HS3ST5: variants seen among roughly 807,000 people sequenced by gnomAD.
HS3ST5 encodes heparan sulfate glucosamine 3-O-sulfotransferase 5.
HS3ST5 carries 10 observed loss-of-function variants against 25.4 expected under a neutral mutation model. The ratio of observed to expected loss-of-function variants is 0.39; its 90% CI spans 0.24 to 0.67. The LOEUF is 0.67. HS3ST5 is among the 30% of genes least tolerant of loss of function. HS3ST5 has a pLI of 0.44. For missense variants in HS3ST5, 324 were observed against 420.7 expected (o/e 0.77, Z 2.01); for synonymous variants, 170 against 162.4 (o/e 1.05, Z -0.36).
chr6:114,058,075 T>C lies in HS3ST5; in HGVS notation c.223A>G (p.Asn75Asp). ...AGGCGAACCTGCTCCTTGGAAGCGT[T>C]GCCCTTCCGGAACTCGTGCAGCAGG... is the stretch of plus-strand genomic sequence containing the variant. ...RGLLHEFRKGNASKEQVRLHD... is the reference protein window; with the variant it reads ...RGLLHEFRKGDASKEQVRLHD... The change falls in exon 5 of 5, where the codon AAC becomes GAC. Residue 75 changes from asparagine (N) to aspartate (D), a missense_variant. Asn to Asp is a conservative substitution (Grantham distance 23). Transcript: ENST00000312719. The C allele has an allele frequency of 1.9e-6, 3 of 1,614,194 alleles. No individual in the cohort carries two copies. Among genetic ancestry groups the C allele is most frequent in the Non-Finnish European group, 2.5e-6 (3 of 1,180,034 alleles).
At chr6:114,223,758 G>A (rs866000864) in intron 2 of HS3ST5, among the ~76,000 whole-genome samples, 1 of 151,522 alleles carries the variant, frequency 6.6e-6, no homozygotes, top group Non-Finnish European at 1.5e-5. Flanking sequence ...TTTAGTGACT[G>A]GTTAAGTACC....
chr6:114,259,177 T>C (rs983226173), intron 1 of HS3ST5, among the ~76,000 whole-genome samples: 4 of 152,214 alleles, frequency 2.6e-5, no homozygotes, highest in Non-Finnish European at 5.9e-5. Context: ...TACATGTTAT[T>C]GACCAATTAG....
At chr6:114,127,941 T>C (rs2114897934) in intron 3 of HS3ST5, among the ~76,000 whole-genome samples, 1 of 150,474 alleles carries the variant, frequency 6.6e-6, no homozygotes, top group African/African-American at 2.4e-5. Flanking sequence ...GAAATTTATA[T>C]ATATATAAAA....
At chr6:114,260,712 T>G (rs1376214865) in intron 1 of HS3ST5, among the ~76,000 whole-genome samples, 2 of 151,474 alleles carry the variant, frequency 1.3e-5, no homozygotes. Flanking sequence ...CTACGCTAAA[T>G]GCTAGGTTGA....
intron 3 of HS3ST5, among the ~76,000 whole-genome samples, chr6:114,097,859 A>G (rs1775521763): frequency 6.6e-6 from 1 of 151,950 alleles, no homozygotes; most frequent in African/African-American, 2.4e-5. Context: ...AACTAACTCT[A>G]CCCCTAAAGG....
In HS3ST5 at chr6:114,057,109, A is replaced by C. The variant is rs550062854; in HGVS notation, c.*148T>G. Reference sequence around the variant, plus strand: ...TAAATTTTCAGTAGAAAAAGAACTGATCTTATATTTGGTCACACACTGCGT... The same window carrying C: ...TAAATTTTCAGTAGAAAAAGAACTGCTCTTATATTTGGTCACACACTGCGT... On this transcript the variant is annotated 3_prime_UTR_variant, in exon 5 of 5. Coordinates refer to ENST00000312719, the MANE Select transcript of HS3ST5 (RefSeq NM_153612.4). The C allele has an allele frequency of 3.5e-5, 20 of 574,130 alleles. No homozygotes were observed. The highest frequency in any genetic ancestry group is 5.4e-5 in the Non-Finnish European group (18 of 335,454). 35.6% of individuals were successfully genotyped at this position (574,130 alleles called of 1,614,324 possible).
chr6:114,317,728 G>A (rs1357082500), intron 1 of HS3ST5, among the ~76,000 whole-genome samples: 1 of 125,330 alleles, frequency 8.0e-6, no homozygotes, highest in Non-Finnish European at 1.6e-5. Context: ...CCAACATCAG[G>A]TAAACTAAAT....
At chr6:114,074,060 C>T (rs1047023058) in intron 3 of HS3ST5, among the ~76,000 whole-genome samples, 18 of 151,986 alleles carry the variant, frequency 1.2e-4, no homozygotes, top group African/African-American at 3.9e-4. Flanking sequence ...GAACCAACAC[C>T]GCATGTTCTC....
intron 2 of HS3ST5, among the ~76,000 whole-genome samples, chr6:114,176,037 G>A (rs1289907959): frequency 6.6e-6 from 1 of 151,982 alleles, no homozygotes; most frequent in Admixed American, 6.6e-5. Flanking sequence ...TATATGAATG[G>A]TAACAAAAAA....
At chr6:114,164,701 A>G (rs1013178081) in intron 3 of HS3ST5, among the ~76,000 whole-genome samples, 2 of 152,236 alleles carry the variant, frequency 1.3e-5, no homozygotes, top group African/African-American at 2.4e-5. Context: ...ATAAACGTAT[A>G]TAAGTCTAAA....
intron 3 of HS3ST5, among the ~76,000 whole-genome samples, chr6:114,103,454 A>G (rs1164161633): frequency 6.6e-6 from 1 of 152,180 alleles, no homozygotes; most frequent in Non-Finnish European, 1.5e-5. Context: ...AATATTAACT[A>G]AATAATTGTA....
At chr6:114,317,801 GC>G (rs1007855890) in intron 1 of HS3ST5, among the ~76,000 whole-genome samples, 3 of 144,962 alleles carry the variant, frequency 2.1e-5, no homozygotes, top group African/African-American at 7.6e-5. Context: ...GAGGCGGGGG[GC>G]GGGGGGGTAG....
Position 114,342,408 on chromosome 6 carries a change from G to T in HS3ST5, c.-552C>A. ...GGCGCGTGTGAGTAAGACGCGAGCG[G>T]GCCCCACACGCAGGCGGCGGCGGCG... is the stretch of plus-strand genomic sequence containing the variant. On this transcript the variant is annotated 5_prime_UTR_variant, in exon 1 of 5. Transcript: ENST00000312719. 1 of 193,300 alleles carries T rather than the reference G, an allele frequency of 5.2e-6. No individual in the cohort carries two copies. Among genetic ancestry groups the T allele is most frequent in the Non-Finnish European group, 1.0e-5 (1 of 99,014 alleles). The allele number at this position is 193,300 out of a possible 1,614,324, so 12.0% of individuals were successfully genotyped here.
chr6:114,119,071 A>G (rs915238336), intron 3 of HS3ST5, among the ~76,000 whole-genome samples: 1 of 152,234 alleles, frequency 6.6e-6, no homozygotes, highest in South Asian at 2.1e-4. Flanking sequence ...TCCCTATGAG[A>G]CAATTCACCT....
At chr6:114,091,650 C>G (rs1582590237) in intron 3 of HS3ST5, among the ~76,000 whole-genome samples, 1 of 151,998 alleles carries the variant, frequency 6.6e-6, no homozygotes, top group Admixed American at 6.5e-5. Flanking sequence ...CGCCACTGCA[C>G]CCAGCCTGGG....
chr6:114,099,840 G>C (rs576087883), intron 3 of HS3ST5, among the ~76,000 whole-genome samples: 1 of 152,028 alleles, frequency 6.6e-6, no homozygotes, highest in South Asian at 2.1e-4. Flanking sequence ...AATCCCCACA[G>C]ATATGACCCA....
At chr6:114,271,379 T>A (rs1773631364) in intron 1 of HS3ST5, among the ~76,000 whole-genome samples, 1 of 152,088 alleles carries the variant, frequency 6.6e-6, no homozygotes, top group Non-Finnish European at 1.5e-5. Flanking sequence ...TGAGATTATG[T>A]ATATATGAAA....
intron 2 of HS3ST5, among the ~76,000 whole-genome samples, chr6:114,213,259 TTCCTC>T (rs982890940): frequency 4.0e-4 from 58 of 145,958 alleles, no homozygotes; most frequent in African/African-American, 1.3e-3. Flanking sequence ...CTCCTCTCCT[TTCCTC>T]TCCTCTCCTC....
chr6:114,234,248 A>C (rs958458723), intron 1 of HS3ST5, among the ~76,000 whole-genome samples: 1 of 151,794 alleles, frequency 6.6e-6, no homozygotes, highest in Non-Finnish European at 1.5e-5. Context: ...CCTGTTATTC[A>C]GTTATAAATA....
Sources: gnomAD v4.1 joint callset for allele counts (sites outside exome capture counted in the v4.1 genomes callset) on GRCh38, gnomAD v4.1.1 for gene constraint, MANE v1.5 for transcripts, NCBI Gene and HGNC (gene_info 2026-07-23, HGNC 2026-07-21) for gene names.